The following NSD2 variants were observed in gnomAD, a reference collection of about 807,000 sequenced individuals.
The protein encoded by NSD2 is histone-lysine N-methyltransferase NSD2.
A neutral mutation model predicts 139.0 loss-of-function variants in NSD2; 12 were observed. That is an observed-to-expected ratio of 0.09 (90% confidence interval 0.06 to 0.14). The LOEUF (loss-of-function observed/expected upper bound fraction) is 0.14, where lower values mean the gene tolerates loss of function less well. Ranked by LOEUF, NSD2 falls within the 10% of genes least tolerant of loss-of-function variation. NSD2 has a pLI of 1.00. For synonymous variants in NSD2, 669 were observed against 648.7 expected (o/e 1.03, Z -0.48); for missense variants, 1,155 against 1,745.0 (o/e 0.66, Z 6.02).
At chr4:1,938,407 T>TTTTTGTTTG in intron 7 of NSD2, 44 bp from the exon 8 acceptor site, 2 of 1,213,276 alleles carry the variant, frequency 1.6e-6, no homozygotes. Flanking sequence ...TTTTCTTTTT[T>TTTTTGTTTG]TTTTCTTTCT....
intron 21 of NSD2, among the ~76,000 whole-genome samples, chr4:1,978,352 G>C (rs1264212606): frequency 1.3e-5 from 2 of 152,120 alleles, no homozygotes; most frequent in South Asian, 2.1e-4. Flanking sequence ...TCCACGCCGC[G>C]CTGGGGGACA....
intron 1 of NSD2, chr4:1,887,526 A>G (rs1160157963): frequency 6.6e-6 from 1 of 152,102 alleles, no homozygotes; most frequent in African/African-American, 2.4e-5. Flanking sequence ...CGCAGGCGAG[A>G]GTACAGTGGC....
Position 1,928,448 on chromosome 4 carries a change from T to C in NSD2, c.1411-2178T>C, listed in dbSNP as rs140318262. ...ACCTGACCCTAATTGTGTGTGAGCA[T>C]GCGCTTTTGTGTTTTTAGAACTCGT... On this transcript the variant is annotated intron_variant, in intron 5 of 21. Coordinates refer to ENST00000508803, the MANE Select transcript of NSD2 (RefSeq NM_001042424.3). Among the ~76,000 whole-genome samples, 5 of 152,336 alleles carry C rather than the reference T, an allele frequency of 3.3e-5. No homozygotes were observed. In the East Asian group the frequency reaches 9.6e-4, roughly 29 times the overall value.
chr4:1,907,534 CAAAGTA>C (rs776751468), intron 3 of NSD2, among the ~76,000 whole-genome samples: 17 of 150,190 alleles, frequency 1.1e-4, no homozygotes, highest in Non-Finnish European at 2.4e-4. Flanking sequence ...ACTTTCAAGT[CAAAGTA>C]AAACAGCACA....
intron 6 of NSD2, among the ~76,000 whole-genome samples, chr4:1,934,847 T>TAA (rs34096276): frequency 9.7e-5 from 2 of 20,712 alleles, no homozygotes; most frequent in Non-Finnish European, 1.6e-4. Context: ...GACTCCATCT[T>TAA]AAAAAAAAAA....
In NSD2 at chr4:1,923,481, G is replaced by A. The variant is rs575342871; in HGVS notation, c.1410+4858G>A. Among the ~76,000 whole-genome samples, 8 of 152,308 alleles carry A rather than the reference G, an allele frequency of 5.3e-5. No homozygotes were observed. In the South Asian group the frequency reaches 1.7e-3, roughly 32 times the overall value. On this transcript the variant is annotated intron_variant, in intron 5 of 21. Coordinates refer to ENST00000508803, the MANE Select transcript of NSD2 (RefSeq NM_001042424.3). Reference sequence around the variant, plus strand: ...GCTGCTCAACTGCGGCCATGCCCAGGAAGCTGTATGTTACGATCCTGGTGG... The same window carrying A: ...GCTGCTCAACTGCGGCCATGCCCAGAAAGCTGTATGTTACGATCCTGGTGG...
At position 1,957,675 on chromosome 4, in the gene NSD2, G is replaced by T. The variant is rs559864327; in HGVS notation, c.2882-258G>T. ...GTCCTTAGGCCATAGTGGAGGACAG[G>T]GAGCTCCCGACAGAACTCTGCCCTG... On this transcript the variant is annotated intron_variant, in intron 15 of 21. Transcript: ENST00000508803. 4.0e-4 allele frequency among the ~76,000 whole-genome samples: 61 copies of T among 152,220 alleles called. 1 individual carries two copies. The highest frequency in any genetic ancestry group is 1.4e-3 in the African/African-American group (59 of 41,536).
intron 9 of NSD2, chr4:1,941,080 A>G: frequency 9.5e-7 from 1 of 1,056,126 alleles, no homozygotes; most frequent in East Asian, 5.3e-5. Context: ...ATTTACTGAA[A>G]CATCTAGGAG....
chr4:1,945,294 C>T, intron 9 of NSD2: 1 of 1,066,014 alleles, frequency 9.4e-7, no homozygotes, highest in Non-Finnish European at 1.1e-6. Flanking sequence ...CTGAGCACAC[C>T]ACAGGAAAGG....
chr4:1,979,415 T>C lies in NSD2; in HGVS notation c.*506T>C, dbSNP rs984802591. The C allele has an allele frequency of 4.3e-6, 1 of 234,260 alleles. No individual in the cohort carries two copies. The highest frequency in any genetic ancestry group is 8.4e-6 in the Non-Finnish European group (1 of 118,738). The allele number at this position is 234,260 out of a possible 1,614,324, so 14.5% of individuals were successfully genotyped here. ...GAAACTGCCATTGTGATCATTACTCTGCTCTTTGGAAATGGCTGTATCATT... is the reference window on the plus strand; with the variant it reads ...GAAACTGCCATTGTGATCATTACTCCGCTCTTTGGAAATGGCTGTATCATT... On this transcript the variant is annotated 3_prime_UTR_variant, in exon 22 of 22. Transcript: ENST00000508803.
chr4:1,920,720 A>G (rs1230167631), intron 5 of NSD2, among the ~76,000 whole-genome samples: 1 of 151,744 alleles, frequency 6.6e-6, no homozygotes, highest in East Asian at 1.9e-4. Context: ...TAGGTGACAG[A>G]GTGAGACTCT....
At chr4:1,876,272 A>G (rs894161456) in intron 1 of NSD2, among the ~76,000 whole-genome samples, 4 of 152,260 alleles carry the variant, frequency 2.6e-5, no homozygotes, top group African/African-American at 7.2e-5. Context: ...CTGCTTTCCT[A>G]AAACCACCTG....
intron 18 of NSD2, among the ~76,000 whole-genome samples, chr4:1,966,189 G>T (rs1314112277): frequency 1.3e-5 from 2 of 152,226 alleles, no homozygotes; most frequent in African/African-American, 2.4e-5. Flanking sequence ...GCAAGTAATG[G>T]TCAAGAGAGG....
At position 1,955,306 on chromosome 4, in the gene NSD2, C is replaced by T. The variant is rs772654247; in HGVS notation, c.2484C>T (p.His828=). The T allele has an allele frequency of 5.0e-5, 81 of 1,613,556 alleles. No individual in the cohort carries two copies. The highest frequency in any genetic ancestry group is 4.9e-4 in the East Asian group (22 of 44,884). ...TARKGKRHHA[H]VNVSWCFVCS... ...GGAAGGGGAAGCGACACCACGCCCA[C>T]GTCAACGTGAGCTGGTGCTTCGTGT... Residue 828 remains histidine, a synonymous_variant, in exon 13 of 22, where the codon CAC becomes CAT. Transcript: ENST00000508803. The surrounding 1 kb of genome is among the most constrained non-coding windows in gnomAD (Gnocchi z 4.7).
chr4:1,878,475 G>C (rs1714465874), intron 1 of NSD2, among the ~76,000 whole-genome samples: 1 of 151,638 alleles, frequency 6.6e-6, no homozygotes, highest in African/African-American at 2.4e-5. Context: ...TTTCTCCATA[G>C]CACATACCTC....
chr4:1,934,164 C>T (rs1403909111), intron 6 of NSD2, among the ~76,000 whole-genome samples: 1 of 151,688 alleles, frequency 6.6e-6, no homozygotes, highest in Non-Finnish European at 1.5e-5. Context: ...CGGCTCACTG[C>T]AACCTCCACC....
Position 1,981,674 on chromosome 4 carries a change from G to A in NSD2, c.*2765G>A, listed in dbSNP as rs1208665422. The A allele has an allele frequency of 5.1e-6, 2 of 393,930 alleles. No homozygotes were observed. Among genetic ancestry groups the A allele is most frequent in the East Asian group, 7.2e-5 (2 of 27,924 alleles). 24.4% of individuals were successfully genotyped at this position (393,930 alleles called of 1,614,324 possible). On this transcript the variant is annotated 3_prime_UTR_variant, in exon 22 of 22. Transcript: ENST00000508803. ...CTTCCGGCGACACCCGTCCATGGCT[G>A]GCTGGGTCCCCTTCGCAGTGTTTGT...
chr4:1,935,192 C>G lies in NSD2; in HGVS notation c.1604C>G (p.Pro535Arg). The stretch of plus-strand genomic sequence containing the variant: ...AACCACACAAAGAGGATACAGGACC[C>G]TACAGAAGATGCTGAAGCTGAGGAC... ...KRNHTKRIQD[P>R]TEDAEAEDTP... Residue 535 changes from proline to arginine, a missense_variant, in exon 7 of 22, where the codon CCT becomes CGT. This residue lies in a region of NSD2 where 420 missense variants were observed against 469.0 expected (regional missense o/e 0.90). Transcript: ENST00000508803. 1 of 1,613,604 alleles carries G rather than the reference C, an allele frequency of 6.2e-7. No individual in the cohort carries two copies. The highest frequency in any genetic ancestry group is 8.5e-7 in the Non-Finnish European group (1 of 1,179,790).
At chr4:1,913,506 T>TCCGC (rs1332075044) in intron 3 of NSD2, among the ~76,000 whole-genome samples, 2 of 152,360 alleles carry the variant, frequency 1.3e-5, no homozygotes, top group Admixed American at 1.3e-4. Context: ...TACATCTGGC[T>TCCGC]CCGCCTTCTA....
Sources: allele counts gnomAD v4.1 joint callset (sites outside exome capture counted in the v4.1 genomes callset), GRCh38; gene constraint gnomAD v4.1.1; regional missense constraint gnomAD v4.1.1; non-coding constraint Gnocchi (gnomAD v3.1); transcripts MANE v1.5; gene names NCBI Gene and HGNC (gene_info 2026-07-23, HGNC 2026-07-21).